The following RBM27 variants were observed in gnomAD, a reference collection of about 807,000 sequenced individuals.
RBM27 encodes RNA binding motif protein 27.
RBM27 carries 22 observed loss-of-function variants against 135.3 expected under a neutral mutation model. The observed-to-expected ratio is 0.16, with a 90% CI of 0.12 to 0.23. RBM27 has a LOEUF of 0.23. Ranked by LOEUF, RBM27 falls within the 10% of genes least tolerant of loss-of-function variation. The pLI is 1.00. For synonymous variants in RBM27, 481 were observed against 442.4 expected, an observed-to-expected ratio of 1.09 and a Z score of -1.10; for missense variants, 1,009 against 1,281.0, an observed-to-expected ratio of 0.79 and a Z score of 3.24.
chr5:146,244,151 A>G (rs1757520891), intron 8 of RBM27, among the ~76,000 whole-genome samples: 1 of 152,230 alleles, frequency 6.6e-6, no homozygotes, highest in Admixed American at 6.5e-5. Context: ...AAAATAAGAA[A>G]AAGAATTAAC....
At chr5:146,229,137 C>A in intron 4 of RBM27, 100 bp downstream of exon 4, 1 of 772,108 alleles carries the variant, frequency 1.3e-6, no homozygotes, top group South Asian at 1.8e-5. Context: ...TTACTCCTCT[C>A]TCTGTAAACT....
chr5:146,241,716 C>T (rs1335080807), intron 8 of RBM27, among the ~76,000 whole-genome samples: 1 of 152,144 alleles, frequency 6.6e-6, no homozygotes, highest in Non-Finnish European at 1.5e-5. Context: ...GCCTCGGCTT[C>T]CCAAAGTGCT....
intron 8 of RBM27, among the ~76,000 whole-genome samples, chr5:146,239,467 C>CTTTTTTTT (rs368919868): frequency 1.8e-4 from 24 of 130,786 alleles, no homozygotes; most frequent in African/African-American, 6.4e-4. Flanking sequence ...TTTTTTTTTC[C>CTTTTTTTT]TTTTCTTTTT....
At chr5:146,251,689 C>T in intron 8 of RBM27, 22 bp from the exon 9 acceptor site, 3 of 1,575,966 alleles carry the variant, frequency 1.9e-6, no homozygotes, top group African/African-American at 1.3e-5. Context: ...TCCCAGCTGC[C>T]CTCCTATTCT....
chr5:146,260,014 T>C (rs994610888), intron 11 of RBM27, among the ~76,000 whole-genome samples: 15 of 111,594 alleles, frequency 1.3e-4, no homozygotes, highest in African/African-American at 5.3e-4. Flanking sequence ...AAAAGAATAA[T>C]GTTGGCCGGG....
chr5:146,224,314 C>G (rs777389861), intron 3 of RBM27, among the ~76,000 whole-genome samples: 3 of 152,016 alleles, frequency 2.0e-5, no homozygotes, highest in Middle Eastern at 3.4e-3. Flanking sequence ...GAAATATTTC[C>G]CAGTATTTAT....
chr5:146,227,028 T>C (rs1451372098), intron 3 of RBM27, among the ~76,000 whole-genome samples: 1 of 152,172 alleles, frequency 6.6e-6, no homozygotes. Flanking sequence ...CTGAACAGGG[T>C]ATAGAGAAGC....
At position 146,288,601 on chromosome 5, in the gene RBM27, A is replaced by G. The variant is rs1238278837; in HGVS notation, c.*2571A>G. ...TAACTGCCATACATGTTTTCTTGGC[A>G]TCTTCATTTACAGAAATAACATACA... is the stretch of plus-strand genomic sequence containing the variant. On this transcript the variant is annotated 3_prime_UTR_variant, in exon 21 of 21. Transcript: ENST00000265271. The G allele has an allele frequency of 6.6e-6, 1 of 152,118 alleles. No individual in the cohort carries two copies. The highest frequency in any genetic ancestry group is 2.4e-5 in the African/African-American group (1 of 41,450). The allele number at this position is 152,118 out of a possible 1,614,324, so 9.4% of individuals were successfully genotyped here. A position where few individuals can be genotyped will look rare whatever the true frequency, so the allele number is the denominator to read the frequency against.
intron 3 of RBM27, 61 bp downstream of exon 3, chr5:146,223,588 A>G (rs1223025689): frequency 6.5e-7 from 1 of 1,527,646 alleles, no homozygotes; most frequent in Admixed American, 2.3e-5. Context: ...CAGTATCCTT[A>G]GTTGGAAGTT....
chr5:146,233,615 C>T lies in RBM27; in HGVS notation c.1016C>T (p.Pro339Leu), dbSNP rs764868620. Residue 339 changes from proline to leucine, a missense_variant, in exon 7 of 21, where the codon CCA (proline) becomes CTA (leucine). This residue lies in a region of RBM27 where 329 missense variants were observed against 368.1 expected (regional missense o/e 0.89). Coordinates refer to ENST00000265271, the MANE Select transcript of RBM27 (RefSeq NM_018989.2). ...PGMLMPPMPGPGPGPGPGPGP... is the reference protein window; with the variant it reads ...PGMLMPPMPGLGPGPGPGPGP... ...ATGTTAATGCCTCCAATGCCAGGTCCAGGCCCAGGCCCGGGCCCAGGTCCA... is the reference window on the plus strand; with the variant it reads ...ATGTTAATGCCTCCAATGCCAGGTCTAGGCCCAGGCCCGGGCCCAGGTCCA... 3 of 1,603,686 alleles carry T rather than the reference C, an allele frequency of 1.9e-6. No individual in the cohort carries two copies. Among genetic ancestry groups the T allele is most frequent in the Admixed American group, 3.4e-5 (2 of 59,130 alleles).
intron 1 of RBM27, among the ~76,000 whole-genome samples, chr5:146,209,153 T>C (rs138350440): frequency 1.3e-5 from 2 of 152,226 alleles, no homozygotes; most frequent in African/African-American, 2.4e-5. Context: ...AGACTTTAAG[T>C]GGTTTGTGTA....
intron 11 of RBM27, among the ~76,000 whole-genome samples, chr5:146,260,022 G>T (rs369252289): frequency 6.7e-6 from 1 of 148,576 alleles, no homozygotes; most frequent in African/African-American, 2.5e-5. Context: ...AATGTTGGCC[G>T]GGCGTAGTGG....
At chr5:146,215,810 G>A (rs1459647587) in intron 1 of RBM27, among the ~76,000 whole-genome samples, 2 of 151,884 alleles carry the variant, frequency 1.3e-5, no homozygotes, top group Admixed American at 6.6e-5. Flanking sequence ...GAGTGCAGTG[G>A]TGTGATCTTG....
chr5:146,214,384 A>G (rs1581138994), intron 1 of RBM27, among the ~76,000 whole-genome samples: 1 of 152,308 alleles, frequency 6.6e-6, no homozygotes, highest in Middle Eastern at 3.4e-3. Flanking sequence ...AAAGTGGCTA[A>G]AAGATTTTAA....
chr5:146,227,197 G>A (rs573981810), intron 3 of RBM27, among the ~76,000 whole-genome samples: 1 of 152,332 alleles, frequency 6.6e-6, no homozygotes, highest in Admixed American at 6.5e-5. Context: ...TGGTAGACAT[G>A]TGCCATGATT....
chr5:146,214,513 C>G (rs560711422), intron 1 of RBM27, among the ~76,000 whole-genome samples: 11 of 152,240 alleles, frequency 7.2e-5, no homozygotes, highest in Middle Eastern at 3.4e-3. Flanking sequence ...TGACATACTT[C>G]TGGAAGTCTT....
intron 1 of RBM27, among the ~76,000 whole-genome samples, chr5:146,209,242 T>G (rs190682147): frequency 1.3e-5 from 2 of 152,272 alleles, no homozygotes; most frequent in Admixed American, 6.5e-5. Context: ...TCTGCAAAAG[T>G]ATTTTGCTTA....
At chr5:146,244,289 A>G (rs879531846) in intron 8 of RBM27, among the ~76,000 whole-genome samples, 6 of 152,186 alleles carry the variant, frequency 3.9e-5, no homozygotes, top group Non-Finnish European at 5.9e-5. Flanking sequence ...TGAGCCCAGG[A>G]GTTCAAGGCT....
intron 15 of RBM27, among the ~76,000 whole-genome samples, chr5:146,268,037 A>G (rs1384534366): frequency 1.8e-4 from 28 of 152,080 alleles, no homozygotes; most frequent in Admixed American, 1.8e-3. Flanking sequence ...GTAGATAATG[A>G]TTCATATAAA....
Sources: allele counts gnomAD v4.1 joint callset (sites outside exome capture counted in the v4.1 genomes callset), GRCh38; gene constraint gnomAD v4.1.1; regional missense constraint gnomAD v4.1.1; transcripts MANE v1.5; gene names NCBI Gene and HGNC (gene_info 2026-07-23, HGNC 2026-07-21).